DCAF8L2: variants seen among roughly 807,000 people sequenced by gnomAD.
DCAF8L2 encodes DDB1- and CUL4-associated factor 8-like protein 2.
For missense variants in DCAF8L2, 430 were observed against 490.7 expected (o/e 0.88, Z 1.17); for synonymous variants, 200 against 190.9 (o/e 1.05, Z -0.39).
chrX:27,623,375 A>C lies in DCAF8L2; in HGVS notation c.-341-8504A>C, dbSNP rs141326630. Among the ~76,000 whole-genome samples, 1,097 of 111,844 alleles carry C rather than the reference A, an allele frequency of 9.8e-3. 11 individuals are homozygous for C. Among genetic ancestry groups the C allele is most frequent in the African/African-American group, 0.034 (1,047 of 30,813 alleles). ...AAGATGGAAAAGGCTGTATTAATTT[A>C]CTGTAAACCTAAAAAGTCATACTGG... On this transcript the variant is annotated intron_variant, in intron 1 of 4. Coordinates refer to ENST00000451261, the MANE Select transcript of DCAF8L2 (RefSeq NM_001353450.2).
intron 1 of DCAF8L2, among the ~76,000 whole-genome samples, chrX:27,613,649 T>A (rs1319055596): frequency 9.0e-6 from 1 of 110,970 alleles, no homozygotes; most frequent in African/African-American, 3.3e-5. Context: ...TTATTGAGAG[T>A]TTTTAGCATG....
intron 3 of DCAF8L2, among the ~76,000 whole-genome samples, chrX:27,715,857 T>A (rs1005855788): frequency 8.9e-6 from 1 of 112,093 alleles, no homozygotes; most frequent in South Asian, 3.7e-4. Flanking sequence ...TTAATGATAG[T>A]CCTTTCTTCA....
the DCAF8L2 span, among the ~76,000 whole-genome samples, chrX:27,470,109 G>A: frequency 9.2e-6 from 1 of 108,891 alleles, no homozygotes; most frequent in African/African-American, 3.3e-5. Context: ...CTGACATAGT[G>A]TAAGAATGTA....
the DCAF8L2 span, among the ~76,000 whole-genome samples, chrX:27,493,237 T>C: frequency 9.0e-6 from 1 of 111,052 alleles, no homozygotes; most frequent in Non-Finnish European, 1.9e-5. Flanking sequence ...CAAGACCCTG[T>C]CTAAAATAAA....
the DCAF8L2 span, among the ~76,000 whole-genome samples, chrX:27,583,743 G>A: frequency 9.9e-5 from 11 of 111,279 alleles, no homozygotes; most frequent in African/African-American, 2.9e-4. Flanking sequence ...TGGGTTGCAC[G>A]CTCCTTACGA....
the DCAF8L2 span, among the ~76,000 whole-genome samples, chrX:27,540,843 C>CGTA: frequency 9.0e-6 from 1 of 111,080 alleles, no homozygotes; most frequent in Non-Finnish European, 1.9e-5. Context: ...TTAAGTCCCC[C>CGTA]ATATGTACAA....
chrX:27,622,988 G>T (rs888456323), intron 1 of DCAF8L2, among the ~76,000 whole-genome samples: 8 of 112,033 alleles, frequency 7.1e-5, no homozygotes, highest in African/African-American at 1.9e-4. Flanking sequence ...ACATAATTCT[G>T]TAATACTTGG....
chrX:27,718,770 C>T (rs1432926388), intron 4 of DCAF8L2, among the ~76,000 whole-genome samples: 2 of 111,532 alleles, frequency 1.8e-5, no homozygotes, highest in Non-Finnish European at 3.8e-5. Flanking sequence ...GGTCTCAAGC[C>T]TGCTGGCTTT....
At chrX:27,710,908 G>GGA (rs1351269642) in intron 3 of DCAF8L2, among the ~76,000 whole-genome samples, 1 of 111,562 alleles carries the variant, frequency 9.0e-6, no homozygotes, top group Non-Finnish European at 1.9e-5. Context: ...ATCTAATTGA[G>GGA]GAAGTTGTCT....
the DCAF8L2 span, among the ~76,000 whole-genome samples, chrX:27,567,162 G>C: frequency 9.0e-6 from 1 of 110,953 alleles, no homozygotes; most frequent in Non-Finnish European, 1.9e-5. Flanking sequence ...GGTTCTTGGA[G>C]AATGTTCCAT....
chrX:27,547,587 G>A, the DCAF8L2 span, among the ~76,000 whole-genome samples: 1 of 107,478 alleles, frequency 9.3e-6, no homozygotes, highest in African/African-American at 3.3e-5. Flanking sequence ...GGCAGCAGGT[G>A]AGAGAGAGAA....
chrX:27,545,104 A>G, the DCAF8L2 span, among the ~76,000 whole-genome samples: 10,640 of 111,474 alleles, frequency 0.095, 404 homozygotes, highest in Non-Finnish European at 0.12. Context: ...ACATGGCTTC[A>G]GGATACATTT....
At chrX:27,635,590 C>G (rs916726227) in intron 2 of DCAF8L2, among the ~76,000 whole-genome samples, 1 of 111,533 alleles carries the variant, frequency 9.0e-6, no homozygotes, top group Non-Finnish European at 1.9e-5. Flanking sequence ...AAGAATATGG[C>G]AAACAGCTTT....
chrX:27,543,641 C>A, the DCAF8L2 span, among the ~76,000 whole-genome samples: 1 of 111,125 alleles, frequency 9.0e-6, no homozygotes, highest in South Asian at 3.9e-4. Context: ...CAGATAATTT[C>A]TTTATGGCCA....
intron 3 of DCAF8L2, among the ~76,000 whole-genome samples, chrX:27,702,817 C>A (rs1028965988): frequency 4.5e-5 from 5 of 111,235 alleles, no homozygotes; most frequent in Non-Finnish European, 7.6e-5. Flanking sequence ...TCTGCTCTTG[C>A]CACTTAAACG....
intron 2 of DCAF8L2, among the ~76,000 whole-genome samples, chrX:27,668,674 C>T (rs1352197008): frequency 2.7e-5 from 3 of 112,083 alleles, no homozygotes; most frequent in Admixed American, 1.9e-4. Context: ...CAATTCTGGC[C>T]AGGCGCGGTG....
chrX:27,740,763 T>A (rs184082443), intron 4 of DCAF8L2, among the ~76,000 whole-genome samples: 1 of 112,331 alleles, frequency 8.9e-6, no homozygotes, highest in African/African-American at 3.2e-5. Context: ...TACTTAAATG[T>A]CACCCCAATA....
chrX:27,628,728 A>T (rs770090926), intron 1 of DCAF8L2, among the ~76,000 whole-genome samples: 1 of 108,303 alleles, frequency 9.2e-6, no homozygotes, highest in African/African-American at 3.4e-5. Context: ...CTCAGCCTCC[A>T]GAGTAGCTGG....
At chrX:27,501,256 T>C in the DCAF8L2 span, among the ~76,000 whole-genome samples, 1 of 98,873 alleles carries the variant, frequency 1.0e-5, no homozygotes, top group Admixed American at 1.1e-4. Context: ...CTCCCCCTCT[T>C]CTCCTCCCCT....
Sources: gnomAD v4.1 joint callset for allele counts (sites outside exome capture counted in the v4.1 genomes callset) on GRCh38, gnomAD v4.1.1 for gene constraint, MANE v1.5 for transcripts, NCBI Gene and HGNC (gene_info 2026-07-23, HGNC 2026-07-21) for gene names.